Variants in GPR158 observed in about 807,000 individuals in gnomAD.
GPR158 encodes metabotropic glycine receptor.
Under a neutral mutation model 78.2 loss-of-function variants are expected in GPR158, and 30 were observed. The observed-to-expected ratio is 0.38, with a 90% CI of 0.29 to 0.52. GPR158 has a LOEUF of 0.52. Ranked by LOEUF, GPR158 falls within the 20% of genes least tolerant of loss-of-function variation. The probability of loss-of-function intolerance (pLI) is 0.83; values close to 1 mark genes in which losing one functional copy is unlikely to be tolerated. For synonymous variants in GPR158, 581 were observed against 591.1 expected (o/e 0.98, Z 0.25); for missense variants, 1,463 against 1,523.5 (o/e 0.96, Z 0.66).
chr10:25,265,214 T>C (rs1029978491), intron 2 of GPR158, among the ~76,000 whole-genome samples: 1 of 152,212 alleles, frequency 6.6e-6, no homozygotes, highest in African/African-American at 2.4e-5. Context: ...TTGGGCTCTG[T>C]GGTTGGTTCT....
At chr10:25,245,293 G>C (rs1853673901) in intron 2 of GPR158, among the ~76,000 whole-genome samples, 1 of 152,216 alleles carries the variant, frequency 6.6e-6, no homozygotes, top group African/African-American at 2.4e-5. Flanking sequence ...AGGTCTTTAA[G>C]GGTGAGCCTG....
At chr10:25,427,531 T>C (rs1014822312) in intron 4 of GPR158, among the ~76,000 whole-genome samples, 2 of 152,098 alleles carry the variant, frequency 1.3e-5, no homozygotes, top group Non-Finnish European at 2.9e-5. Flanking sequence ...TTTACTGATA[T>C]AGAAACACCA....
At chr10:25,235,018 G>A (rs569433959) in intron 2 of GPR158, among the ~76,000 whole-genome samples, 4 of 152,176 alleles carry the variant, frequency 2.6e-5, no homozygotes, top group African/African-American at 9.6e-5. Flanking sequence ...TTTTTCACAG[G>A]GTTCTCTTTA....
intron 7 of GPR158, among the ~76,000 whole-genome samples, chr10:25,578,027 A>G (rs911690391): frequency 6.6e-6 from 1 of 152,226 alleles, no homozygotes; most frequent in African/African-American, 2.4e-5. Flanking sequence ...ACATTTTTAG[A>G]TCAGATTATA....
rs758818087 is a variant in GPR158 at position 25,598,144 on chromosome 10, G to A, written c.2518G>A (p.Glu840Lys). 6.2e-7 allele frequency: 1 copy of A among 1,614,036 alleles called. No individual in the cohort carries two copies. Among genetic ancestry groups the A allele is most frequent in the Non-Finnish European group, 8.5e-7 (1 of 1,180,032 alleles). Residue 840 changes from glutamate to lysine, a missense_variant, in exon 11 of 11, where the codon GAG becomes AAG. Glu to Lys is a moderately conservative substitution (Grantham distance 56). Coordinates refer to ENST00000376351, the MANE Select transcript of GPR158 (RefSeq NM_020752.3). ...ESSSLPTESQEEETTENSTLE... is the reference protein window; with the variant it reads ...ESSSLPTESQKEETTENSTLE... ...CAGTAGCCTACCCACAGAAAGCCAA[G>A]AGGAGGAGACAACAGAAAATTCCAC...
At chr10:25,238,946 T>C (rs921840055) in intron 2 of GPR158, among the ~76,000 whole-genome samples, 3 of 152,186 alleles carry the variant, frequency 2.0e-5, no homozygotes, top group Non-Finnish European at 4.4e-5. Flanking sequence ...CTGAAAAAGA[T>C]CTCAAGGGTG....
chr10:25,351,475 A>G (rs902287728), intron 2 of GPR158, among the ~76,000 whole-genome samples: 1 of 151,892 alleles, frequency 6.6e-6, no homozygotes, highest in Non-Finnish European at 1.5e-5. Context: ...ATGGTAACAC[A>G]TCAAAACCAG....
chr10:25,409,144 C>T (rs1410984137), intron 3 of GPR158, among the ~76,000 whole-genome samples: 2 of 152,160 alleles, frequency 1.3e-5, no homozygotes, highest in Non-Finnish European at 2.9e-5. Context: ...TTTCCTCTTT[C>T]GCCTTTTTAC....
intron 2 of GPR158, among the ~76,000 whole-genome samples, chr10:25,302,656 A>G (rs1301180690): frequency 6.6e-6 from 1 of 152,144 alleles, no homozygotes; most frequent in Non-Finnish European, 1.5e-5. Flanking sequence ...TACTTTTTTA[A>G]GATAACTTGT....
chr10:25,220,167 A>G (rs150717130), intron 1 of GPR158, among the ~76,000 whole-genome samples: 1 of 152,362 alleles, frequency 6.6e-6, no homozygotes, highest in East Asian at 1.9e-4. Context: ...AAACTACATT[A>G]TAAAGCTTCA....
At chr10:25,352,191 C>A (rs1855484634) in intron 2 of GPR158, among the ~76,000 whole-genome samples, 1 of 152,000 alleles carries the variant, frequency 6.6e-6, no homozygotes, top group East Asian at 1.9e-4. Context: ...CCATGCCATA[C>A]TAGTCATTAA....
chr10:25,328,445 C>G (rs1855066619), intron 2 of GPR158, among the ~76,000 whole-genome samples: 1 of 151,862 alleles, frequency 6.6e-6, no homozygotes, highest in Non-Finnish European at 1.5e-5. Flanking sequence ...TATATATGTA[C>G]TAACATAAAT....
At chr10:25,585,253 G>A (rs1169405857) in intron 7 of GPR158, among the ~76,000 whole-genome samples, 1 of 152,156 alleles carries the variant, frequency 6.6e-6, no homozygotes, top group Non-Finnish European at 1.5e-5. Context: ...CATCTCTAAT[G>A]ACTTAAACAT....
chr10:25,238,338 G>T (rs1022703565), intron 2 of GPR158, among the ~76,000 whole-genome samples: 1 of 152,142 alleles, frequency 6.6e-6, no homozygotes, highest in African/African-American at 2.4e-5. Context: ...TCATTAGACC[G>T]CATAATACCT....
intron 6 of GPR158, among the ~76,000 whole-genome samples, chr10:25,571,498 ATGAAG>A (rs958141363): frequency 3.3e-5 from 5 of 152,024 alleles, no homozygotes; most frequent in African/African-American, 4.8e-5. Context: ...TATTCAAAGA[ATGAAG>A]TGAAGGAGAG....
intron 1 of GPR158, among the ~76,000 whole-genome samples, chr10:25,207,147 GGCTGATC>G (rs1853052873): frequency 6.6e-6 from 1 of 152,036 alleles, no homozygotes; most frequent in Non-Finnish European, 1.5e-5. Context: ...CATCCCTTGA[GGCTGATC>G]GCTGCAAAAC....
intron 2 of GPR158, among the ~76,000 whole-genome samples, chr10:25,293,745 AT>A (rs5783917): frequency 0.24 from 34,689 of 144,408 alleles, 4,866 homozygotes; most frequent in African/African-American, 0.42. Flanking sequence ...TAAACCTGTA[AT>A]TTTTTTTTTT....
At chr10:25,498,305 G>T (rs1038518734) in intron 5 of GPR158, among the ~76,000 whole-genome samples, 2 of 152,176 alleles carry the variant, frequency 1.3e-5, no homozygotes, top group South Asian at 2.1e-4. Flanking sequence ...GTGTAAAAAT[G>T]CAGTCATTCA....
chr10:25,388,066 T>G (rs2130516594), intron 2 of GPR158, among the ~76,000 whole-genome samples: 1 of 152,342 alleles, frequency 6.6e-6, no homozygotes, highest in African/African-American at 2.4e-5. Context: ...CTTATGCAAT[T>G]GGATCTGGTC....
Sources: gnomAD v4.1 joint callset for allele counts (sites outside exome capture counted in the v4.1 genomes callset) on GRCh38, gnomAD v4.1.1 for gene constraint, MANE v1.5 for transcripts, NCBI Gene and HGNC (gene_info 2026-07-23, HGNC 2026-07-21) for gene names.